The following ZNF605 variants were observed in gnomAD, a reference collection of about 807,000 sequenced individuals.
ZNF605 encodes zinc finger protein 605.
ZNF605 carries 9 observed loss-of-function variants against 7.9 expected under a neutral mutation model. The observed-to-expected ratio is 1.14, with a 90% CI of 0.68 to 1.98. The LOEUF is 1.98. Ranked by LOEUF, ZNF605 falls within the 30% of genes most tolerant of loss-of-function variation. The pLI is 0.00. For missense variants in ZNF605, 673 were observed against 762.4 expected (o/e 0.88, Z 1.38); for synonymous variants, 255 against 260.1 (o/e 0.98, Z 0.19).
At chr12:132,952,773 G>A (rs900046310) in intron 1 of ZNF605, among the ~76,000 whole-genome samples, 31 of 151,974 alleles carry the variant, frequency 2.0e-4, no homozygotes, top group Non-Finnish European at 4.4e-4. Flanking sequence ...AAATAATCAC[G>A]TAAAAAGAGT....
intron 4 of ZNF605, among the ~76,000 whole-genome samples, chr12:132,931,207 C>T (rs1952305505): frequency 6.6e-6 from 1 of 152,080 alleles, no homozygotes; most frequent in Non-Finnish European, 1.5e-5. Flanking sequence ...AAATATTTCC[C>T]AGGGTAGAGG....
At chr12:132,940,063 G>A (rs879956) in intron 3 of ZNF605, among the ~76,000 whole-genome samples, 62,819 of 151,408 alleles carry the variant, frequency 0.41, 14,363 homozygotes, top group Middle Eastern at 0.55. Context: ...GCGAGGGTCC[G>A]CGGCTTCATT....
At position 132,941,251 on chromosome 12, in the gene ZNF605, T is replaced by C. The variant is rs1952437581; in HGVS notation, c.15+4370A>G. On this transcript the variant is annotated intron_variant, in intron 3 of 4. Transcript: ENST00000360187. The surrounding 1 kb of genome is among the most constrained non-coding windows in gnomAD (Gnocchi z 5.1). ...ACATGGCCTAGACCGAGCCTCCGCGTGTGCTGCTTCTGCTCTCAGAAGACG... is the reference window on the plus strand; with the variant it reads ...ACATGGCCTAGACCGAGCCTCCGCGCGTGCTGCTTCTGCTCTCAGAAGACG... Among the ~76,000 whole-genome samples the C allele has an allele frequency of 6.6e-6, 1 of 151,820 alleles. No homozygotes were observed. The highest frequency in any genetic ancestry group is 2.4e-5 in the African/African-American group (1 of 41,338).
intron 1 of ZNF605, among the ~76,000 whole-genome samples, chr12:132,949,755 A>T (rs1952537598): frequency 6.6e-6 from 1 of 152,182 alleles, no homozygotes; most frequent in African/African-American, 2.4e-5. Flanking sequence ...CATTGGCTGA[A>T]CTCTGGATTC....
At chr12:132,939,291 T>C (rs1179381809) in intron 3 of ZNF605, among the ~76,000 whole-genome samples, 1 of 152,120 alleles carries the variant, frequency 6.6e-6, no homozygotes, top group Non-Finnish European at 1.5e-5. Flanking sequence ...CACCCTGTGT[T>C]TAGCTCAAGG....
At chr12:132,936,639 G>A (rs1490961002) in intron 3 of ZNF605, among the ~76,000 whole-genome samples, 1 of 152,146 alleles carries the variant, frequency 6.6e-6, no homozygotes, top group African/African-American at 2.4e-5. Flanking sequence ...CAGTCTTTGT[G>A]ACAAATAATG....
At position 132,925,349 on chromosome 12, in the gene ZNF605, C is replaced by T. The variant is rs1242261882; in HGVS notation, c.*24G>A. The T allele has an allele frequency of 2.0e-6, 3 of 1,520,492 alleles. No homozygotes were observed. Among genetic ancestry groups the T allele is most frequent in the Admixed American group, 4.0e-5 (2 of 49,526 alleles). The allele number at this position is 1,520,492 out of a possible 1,614,324, so 94.2% of individuals were successfully genotyped here. On this transcript the variant is annotated 3_prime_UTR_variant, in exon 5 of 5. Coordinates refer to ENST00000360187, the MANE Select transcript of ZNF605 (RefSeq NM_183238.4). ...AGTATGACACTTGATAGCAACCTTT[C>T]TGCATTCGCCAAAGTCATGATTTTT...
At chr12:132,936,376 A>G (rs1289718450) in intron 3 of ZNF605, among the ~76,000 whole-genome samples, 2 of 152,224 alleles carry the variant, frequency 1.3e-5, no homozygotes, top group African/African-American at 4.8e-5. Flanking sequence ...GCAAAAGCTC[A>G]GAAATGGAAA....
chr12:132,931,488 A>G (rs1169158663), intron 4 of ZNF605, among the ~76,000 whole-genome samples: 1 of 152,230 alleles, frequency 6.6e-6, no homozygotes, highest in Non-Finnish European at 1.5e-5. Flanking sequence ...TGAGTCAAGG[A>G]ACATTCACTG....
rs1470704962 is a variant in ZNF605, at chr12:132,921,164, GT to G, written c.*4208del. Reference sequence around the variant, plus strand: ...TTAAATTTTTTTTTTGTAGAGATGAGTCTTGCTATGTTGTCCAGCTGGTCTC... The same window carrying G: ...TTAAATTTTTTTTTTGTAGAGATGAGCTTGCTATGTTGTCCAGCTGGTCTC... On this transcript the variant is annotated 3_prime_UTR_variant, in exon 5 of 5. Transcript: ENST00000360187. The G allele has an allele frequency of 6.6e-6, 1 of 152,016 alleles. No individual in the cohort carries two copies. The highest frequency in any genetic ancestry group is 1.5e-5 in the Non-Finnish European group (1 of 68,020). The allele number at this position is 152,016 out of a possible 1,614,324, so 9.4% of individuals were successfully genotyped here. A position where few individuals can be genotyped will look rare whatever the true frequency, so the allele number is the denominator to read the frequency against.
intron 2 of ZNF605, among the ~76,000 whole-genome samples, chr12:132,947,760 A>G (rs1952509167): frequency 6.6e-6 from 1 of 151,368 alleles, no homozygotes; most frequent in Non-Finnish European, 1.5e-5. Flanking sequence ...CATCTTTAAA[A>G]CTTTTTCAAA....
chr12:132,931,361 CTCTT>C (rs1422132417), intron 4 of ZNF605, among the ~76,000 whole-genome samples: 1 of 152,134 alleles, frequency 6.6e-6, no homozygotes, highest in East Asian at 1.9e-4. Context: ...CTGGCAATCT[CTCTT>C]TATGGGGAAA....
In ZNF605 at chr12:132,933,249, T is replaced by C. The variant is rs984085771; in HGVS notation, c.16-94A>G. On this transcript the variant is annotated intron_variant, in intron 3 of 4. Coordinates refer to ENST00000360187, the MANE Select transcript of ZNF605 (RefSeq NM_183238.4). This position sits in a 1 kb window ranked among gnomAD's most constrained non-coding sequence, Gnocchi z 4.4. ...TATTTGTGGTAGGTGGCCTCTAAGATGGCCCCAGTGACCTCTGACTCCGGT... is the reference window on the plus strand; with the variant it reads ...TATTTGTGGTAGGTGGCCTCTAAGACGGCCCCAGTGACCTCTGACTCCGGT... 318 of 1,402,354 alleles carry C rather than the reference T, an allele frequency of 2.3e-4. 2 individuals carry two copies. In the African/African-American group the frequency reaches 4.3e-3, roughly 19 times the overall value. The allele number at this position is 1,402,354 out of a possible 1,614,324, so 86.9% of individuals were successfully genotyped here. A position where few individuals can be genotyped will look rare whatever the true frequency, so the allele number is the denominator to read the frequency against.
intron 3 of ZNF605, among the ~76,000 whole-genome samples, chr12:132,938,621 C>T (rs1952393194): frequency 1.3e-5 from 2 of 152,234 alleles, no homozygotes; most frequent in Admixed American, 1.3e-4. Context: ...TTGTTCTCGG[C>T]ACCTCCCCTG....
intron 1 of ZNF605, among the ~76,000 whole-genome samples, chr12:132,952,314 A>T (rs1437864407): frequency 6.6e-6 from 1 of 151,894 alleles, no homozygotes; most frequent in Non-Finnish European, 1.5e-5. Flanking sequence ...ACAAAAAATT[A>T]GCCGGGCATG....
At chr12:132,949,860 C>T (rs1952539217) in intron 1 of ZNF605, among the ~76,000 whole-genome samples, 1 of 152,178 alleles carries the variant, frequency 6.6e-6, no homozygotes, top group African/African-American at 2.4e-5. Context: ...CAGGCTTCGC[C>T]CGTTCGCAGC....
At chr12:132,940,410 T>C (rs1360717501) in intron 3 of ZNF605, among the ~76,000 whole-genome samples, 1 of 152,188 alleles carries the variant, frequency 6.6e-6, no homozygotes, top group Non-Finnish European at 1.5e-5. Flanking sequence ...TCACCAAGGC[T>C]TTACCCTGTG....
chr12:132,946,823 C>T (rs1412737044), intron 2 of ZNF605, among the ~76,000 whole-genome samples: 1 of 152,210 alleles, frequency 6.6e-6, no homozygotes, highest in Non-Finnish European at 1.5e-5. Flanking sequence ...TCATCAGAAG[C>T]TTCAGAGACT....
In ZNF605 at chr12:132,922,472, T is replaced by C. The variant is rs563504695; in HGVS notation, c.*2901A>G. 6.6e-6 allele frequency: 1 copy of C among 152,322 alleles called. No homozygotes were observed. The highest frequency in any genetic ancestry group is 2.1e-4 in the South Asian group (1 of 4,826). The allele number at this position is 152,322 out of a possible 1,614,324, so 9.4% of individuals were successfully genotyped here. On this transcript the variant is annotated 3_prime_UTR_variant, in exon 5 of 5. Coordinates refer to ENST00000360187, the MANE Select transcript of ZNF605 (RefSeq NM_183238.4). Reference sequence around the variant, plus strand: ...TTCTACTGCATTGTCCAGATACAGATAGAAAATACTGATATGTAGTGTGGG... The same window carrying C: ...TTCTACTGCATTGTCCAGATACAGACAGAAAATACTGATATGTAGTGTGGG...
Sources: allele counts gnomAD v4.1 joint callset (sites outside exome capture counted in the v4.1 genomes callset), GRCh38; gene constraint gnomAD v4.1.1; non-coding constraint Gnocchi (gnomAD v3.1); transcripts MANE v1.5; gene names NCBI Gene and HGNC (gene_info 2026-07-23, HGNC 2026-07-21).